Variants in GPHN observed in about 807,000 individuals in gnomAD.
GPHN encodes gephyrin.
In GPHN, 17 loss-of-function variants were observed where a neutral mutation model predicts 95.5. That is an observed-to-expected ratio of 0.18 (90% CI 0.12 to 0.27). The LOEUF (loss-of-function observed/expected upper bound fraction) is 0.27. Among genes scored for constraint, GPHN ranks in the 10% least tolerant of loss-of-function variants. The pLI is 1.00. For missense variants in GPHN, 660 were observed against 978.1 expected, an observed-to-expected ratio of 0.67 and a Z score of 4.34; for synonymous variants, 320 against 322.5, an observed-to-expected ratio of 0.99 and a Z score of 0.08.
At chr14:67,428,398 A>T in the GPHN span, among the ~76,000 whole-genome samples, 65 of 152,312 alleles carry the variant, frequency 4.3e-4, no homozygotes, top group African/African-American at 1.5e-3. Context: ...CACAGCTAAC[A>T]CTTAGAGCAC....
At chr14:67,496,525 G>A in the GPHN span, among the ~76,000 whole-genome samples, 1 of 148,656 alleles carries the variant, frequency 6.7e-6, no homozygotes, top group East Asian at 2.0e-4. Flanking sequence ...GATGACTCTT[G>A]AGAAATTAGT....
At chr14:67,093,224 A>G (rs1778214159) in intron 12 of GPHN, among the ~76,000 whole-genome samples, 1 of 152,128 alleles carries the variant, frequency 6.6e-6, no homozygotes, top group South Asian at 2.1e-4. Flanking sequence ...GATTGAAATT[A>G]CTTATGAAAA....
At chr14:66,916,137 C>A in intron 6 of GPHN, 68 bp downstream of exon 6, 1 of 1,057,712 alleles carries the variant, frequency 9.5e-7, no homozygotes. Context: ...GTTAGCCAGC[C>A]AAAAAGTTGG....
intron 1 of GPHN, among the ~76,000 whole-genome samples, chr14:66,654,556 G>T (rs2065212192): frequency 6.6e-6 from 1 of 152,140 alleles, no homozygotes; most frequent in African/African-American, 2.4e-5. Flanking sequence ...CTGCATGCCA[G>T]TGTTTTCTTG....
chr14:67,355,276 A>C, the GPHN span, among the ~76,000 whole-genome samples: 23 of 151,904 alleles, frequency 1.5e-4, no homozygotes, highest in Non-Finnish European at 1.2e-4. Context: ...GACAAGCTAA[A>C]TTTACACTGA....
At chr14:66,579,851 A>G (rs1380240415) in intron 1 of GPHN, among the ~76,000 whole-genome samples, 3 of 151,952 alleles carry the variant, frequency 2.0e-5, no homozygotes, top group South Asian at 2.1e-4. Flanking sequence ...GTGGACTTCA[A>G]TCACACAGTA....
intron 13 of GPHN, among the ~76,000 whole-genome samples, chr14:67,104,149 G>A (rs112009823): frequency 1.3e-5 from 2 of 152,162 alleles, no homozygotes; most frequent in African/African-American, 4.8e-5. Context: ...CCTTCATTCT[G>A]TTGGTGTGAT....
At chr14:67,174,687 A>G (rs1373318362) in intron 21 of GPHN, among the ~76,000 whole-genome samples, 4 of 152,054 alleles carry the variant, frequency 2.6e-5, no homozygotes, top group African/African-American at 9.7e-5. Flanking sequence ...ACTAATTTAC[A>G]CTCCCACCAA....
intron 2 of GPHN, among the ~76,000 whole-genome samples, chr14:66,696,797 C>G (rs2068128765): frequency 6.6e-6 from 1 of 152,140 alleles, no homozygotes; most frequent in African/African-American, 2.4e-5. Context: ...AGCTTTACTA[C>G]TAAATGAGTT....
intron 18 of GPHN, among the ~76,000 whole-genome samples, chr14:67,157,777 G>A (rs571179744): frequency 4.6e-5 from 7 of 150,722 alleles, no homozygotes; most frequent in Admixed American, 2.6e-4. Flanking sequence ...GCAGTGAGCC[G>A]AGATCATGCC....
the GPHN span, chr14:67,323,640 GTAT>G: frequency 2.1e-6 from 1 of 483,034 alleles, no homozygotes; most frequent in Non-Finnish European, 3.6e-6. Context: ...ATATATATCA[GTAT>G]TATTAGGAAG....
chr14:67,317,521 GGAGTCTAAACCTA>G, the GPHN span: 1 of 1,428,744 alleles, frequency 7.0e-7, no homozygotes, highest in Non-Finnish European at 9.8e-7. Flanking sequence ...ATATCTGAAA[GGAGTCTAAACCTA>G]GTCCTGTTTT....
chr14:67,323,636 A>ATATATC, the GPHN span: 1,509 of 434,760 alleles, frequency 3.5e-3, 24 homozygotes, highest in African/African-American at 0.028. Flanking sequence ...ATATATATAT[A>ATATATC]TCAGTATTAT....
chr14:66,667,805 G>T (rs1339077178), intron 1 of GPHN, among the ~76,000 whole-genome samples: 1 of 152,114 alleles, frequency 6.6e-6, no homozygotes. Context: ...TGACAAATGG[G>T]ATCTAAGCTT....
At chr14:67,040,167 G>A (rs868069273) in intron 10 of GPHN, among the ~76,000 whole-genome samples, 1 of 151,960 alleles carries the variant, frequency 6.6e-6, no homozygotes, top group African/African-American at 2.4e-5. Context: ...AGTGATTTTT[G>A]AAATTTTGAA....
chr14:67,067,028 T>G (rs2076086220), intron 11 of GPHN, among the ~76,000 whole-genome samples: 1 of 152,206 alleles, frequency 6.6e-6, no homozygotes, highest in African/African-American at 2.4e-5. Flanking sequence ...TTTTAGAATT[T>G]TCAGCTTTTC....
At chr14:66,831,201 G>A (rs1198494163) in intron 4 of GPHN, among the ~76,000 whole-genome samples, 2 of 152,050 alleles carry the variant, frequency 1.3e-5, no homozygotes, top group East Asian at 1.9e-4. Context: ...TTTAACAGAA[G>A]CATAGCAAAA....
At chr14:67,503,466 AG>A in the GPHN span, 1 of 152,224 alleles carries the variant, frequency 6.6e-6, no homozygotes, top group Non-Finnish European at 1.5e-5. Context: ...CTTGAATGAC[AG>A]GGCAAAGGAC....
the GPHN span, among the ~76,000 whole-genome samples, chr14:67,713,951 A>C: frequency 1.3e-5 from 2 of 152,170 alleles, no homozygotes; most frequent in East Asian, 3.9e-4. Flanking sequence ...CCAGATATGC[A>C]TTTATCTTAA....
Sources: allele counts gnomAD v4.1 joint callset (sites outside exome capture counted in the v4.1 genomes callset), GRCh38; gene constraint gnomAD v4.1.1; transcripts MANE v1.5; gene names NCBI Gene and HGNC (gene_info 2026-07-23, HGNC 2026-07-21).